SLC39A12: variants seen among roughly 807,000 people sequenced by gnomAD.
The protein encoded by SLC39A12 is zinc transporter ZIP12.
A neutral mutation model predicts 71.1 loss-of-function variants in SLC39A12; 63 were observed. The observed-to-expected ratio is 0.89, with a 90% confidence interval of 0.72 to 1.09. The LOEUF (loss-of-function observed/expected upper bound fraction) is 1.09. SLC39A12 is among the 50% of genes least tolerant of loss of function. SLC39A12 has a pLI of 0.00. For synonymous variants in SLC39A12, 351 were observed against 301.3 expected (o/e 1.16, Z -1.71); for missense variants, 892 against 812.6 (o/e 1.10, Z -1.19).
At chr10:17,990,291 C>T (rs1341113564) in intron 7 of SLC39A12, among the ~76,000 whole-genome samples, 3 of 152,104 alleles carry the variant, frequency 2.0e-5, no homozygotes, top group African/African-American at 7.2e-5. Flanking sequence ...TATGTAGATA[C>T]ATATGTATAC....
At chr10:17,980,011 G>T (rs1835211374) in intron 5 of SLC39A12, among the ~76,000 whole-genome samples, 1 of 152,132 alleles carries the variant, frequency 6.6e-6, no homozygotes, top group African/African-American at 2.4e-5. Flanking sequence ...AAAATACTTG[G>T]CTCAGGGAGG....
intron 2 of SLC39A12, among the ~76,000 whole-genome samples, chr10:17,958,410 A>C (rs1367886317): frequency 2.0e-5 from 3 of 152,108 alleles, no homozygotes; most frequent in African/African-American, 7.2e-5. Flanking sequence ...TCGTTGTACC[A>C]TGTCCTTGTT....
intron 12 of SLC39A12, among the ~76,000 whole-genome samples, chr10:18,030,879 T>C (rs915552061): frequency 1.8e-4 from 26 of 145,222 alleles, no homozygotes; most frequent in Non-Finnish European, 3.5e-4. Context: ...TTCCCACCTA[T>C]GAGTGAGAAT....
intron 9 of SLC39A12, among the ~76,000 whole-genome samples, chr10:17,995,070 A>T (rs954648709): frequency 3.3e-5 from 5 of 152,234 alleles, no homozygotes; most frequent in Non-Finnish European, 5.9e-5. Context: ...GTCATATAAA[A>T]GGATTAAAAA....
chr10:17,976,395 A>AT (rs1287488592), intron 4 of SLC39A12, among the ~76,000 whole-genome samples: 1 of 151,742 alleles, frequency 6.6e-6, no homozygotes, highest in Non-Finnish European at 1.5e-5. Context: ...TGCTTTCAAG[A>AT]TTTTATCTTC....
intron 4 of SLC39A12, among the ~76,000 whole-genome samples, chr10:17,967,753 G>C (rs925329461): frequency 6.6e-6 from 1 of 151,520 alleles, no homozygotes; most frequent in Non-Finnish European, 1.5e-5. Flanking sequence ...CAGGCGTGAT[G>C]GCGGGCGCCT....
rs560770108 is a variant in SLC39A12 at position 18,028,260 on chromosome 10, A to G, written c.1948-14445A>G. ...TCATCAGTAAATGAATATTGTTTCT[A>G]TATTTGAATTGCAAATTTTTATCAG... On this transcript the variant is annotated intron_variant, in intron 12 of 12. Coordinates refer to ENST00000377369, the MANE Select transcript of SLC39A12 (RefSeq NM_001145195.2). 5.9e-5 allele frequency among the ~76,000 whole-genome samples: 9 copies of G among 152,346 alleles called. 1 individual carries two copies. Among genetic ancestry groups the G allele is most frequent in the African/African-American group, 1.7e-4 (7 of 41,582 alleles).
intron 7 of SLC39A12, among the ~76,000 whole-genome samples, 162 bp downstream of exon 7, chr10:17,987,813 C>T (rs1564647786): frequency 6.6e-6 from 1 of 152,116 alleles, no homozygotes; most frequent in African/African-American, 2.4e-5. Flanking sequence ...CCTCTCTGCA[C>T]TTGTAGAAGA....
Position 17,977,892 on chromosome 10 carries a change from A to C in SLC39A12, c.752-10A>C. 1 of 1,561,140 alleles carries C rather than the reference A, an allele frequency of 6.4e-7. No individual in the cohort carries two copies. Among genetic ancestry groups the C allele is most frequent in the Non-Finnish European group, 8.6e-7 (1 of 1,159,638 alleles). On this transcript the variant is annotated splice_polypyrimidine_tract_variant and intron_variant, in intron 4 of 12. Transcript: ENST00000377369. ...TCTATGTGACACCAGATTTTATATG[A>C]AATTTCTAGAACTAGACCAACTCCT... is the stretch of plus-strand genomic sequence containing the variant.
At position 18,042,866 on chromosome 10, in the gene SLC39A12, T is replaced by G. The variant is rs746167147; in HGVS notation, c.*33T>G. On this transcript the variant is annotated 3_prime_UTR_variant, in exon 13 of 13. Coordinates refer to ENST00000377369, the MANE Select transcript of SLC39A12 (RefSeq NM_001145195.2). ...TCTTCAACATCTTTCAAAAATGCATTTATATAGTCTTACTTTGTTTCTTTC... is the reference window on the plus strand; with the variant it reads ...TCTTCAACATCTTTCAAAAATGCATGTATATAGTCTTACTTTGTTTCTTTC... 14 of 1,572,548 alleles carry G rather than the reference T, an allele frequency of 8.9e-6. No individual in the cohort carries two copies. The highest frequency in any genetic ancestry group is 1.8e-5 in the Admixed American group (1 of 54,626).
At chr10:17,989,924 G>A (rs776172866) in intron 7 of SLC39A12, among the ~76,000 whole-genome samples, 5 of 151,946 alleles carry the variant, frequency 3.3e-5, no homozygotes, top group Non-Finnish European at 7.4e-5. Context: ...AAAAAAAAAA[G>A]AGACGAGGAC....
chr10:17,991,814 C>T (rs895025880), intron 8 of SLC39A12, among the ~76,000 whole-genome samples: 5 of 152,074 alleles, frequency 3.3e-5, no homozygotes, highest in Non-Finnish European at 4.4e-5. Flanking sequence ...ATGGGCCGGG[C>T]GCTGTGGCTC....
intron 3 of SLC39A12, among the ~76,000 whole-genome samples, chr10:17,963,160 CT>C (rs1287769088): frequency 6.6e-6 from 1 of 151,428 alleles, no homozygotes; most frequent in Non-Finnish European, 1.5e-5. Flanking sequence ...GACCCTATCT[CT>C]AAAAGAAGAA....
Position 17,965,480 on chromosome 10 carries a change from C to T in SLC39A12, c.544-3C>T. 1.2e-6 allele frequency: 2 copies of T among 1,613,246 alleles called. No homozygotes were observed. The highest frequency in any genetic ancestry group is 8.5e-7 in the Non-Finnish European group (1 of 1,179,462). On this transcript the variant is annotated splice_region_variant and splice_polypyrimidine_tract_variant and intron_variant, in intron 3 of 12. Coordinates refer to ENST00000377369, the MANE Select transcript of SLC39A12 (RefSeq NM_001145195.2). ...TTTCTCTTTATTTTGTATCTGATTT[C>T]AGTGTATGGAAACCAAAACGCTGCA...
chr10:18,010,903 A>G (rs1419834315), intron 12 of SLC39A12, among the ~76,000 whole-genome samples: 5 of 152,140 alleles, frequency 3.3e-5, no homozygotes, highest in African/African-American at 4.8e-5. Context: ...CGTCCCTTCA[A>G]TGTGAAGATG....
chr10:18,001,453 G>A (rs1393729967), intron 11 of SLC39A12, among the ~76,000 whole-genome samples: 4 of 152,218 alleles, frequency 2.6e-5, no homozygotes, highest in Non-Finnish European at 5.9e-5. Flanking sequence ...GGTGGAGGTT[G>A]CAGTGAGCTG....
At position 17,956,182 on chromosome 10, in the gene SLC39A12, T is replaced by C. The variant is rs79177428; in HGVS notation, c.261+2645T>C. Among the ~76,000 whole-genome samples the C allele has an allele frequency of 1.1e-4, 16 of 152,202 alleles. No homozygotes were observed. In the East Asian group the frequency reaches 3.1e-3, roughly 29 times the overall value. Reference sequence around the variant, plus strand: ...CGGACATGTGTGCTCCCCGGGGAGATCTCTGCAAGGATCACATGGACACAT... The same window carrying C: ...CGGACATGTGTGCTCCCCGGGGAGACCTCTGCAAGGATCACATGGACACAT... On this transcript the variant is annotated intron_variant, in intron 2 of 12. Coordinates refer to ENST00000377369, the MANE Select transcript of SLC39A12 (RefSeq NM_001145195.2).
chr10:17,986,019 A>G (rs558989378), intron 6 of SLC39A12, among the ~76,000 whole-genome samples: 43 of 152,314 alleles, frequency 2.8e-4, no homozygotes, highest in African/African-American at 9.4e-4. Flanking sequence ...GACATTGCAA[A>G]TAATTCAGAC....
chr10:17,961,906 G>A (rs1442363996), intron 3 of SLC39A12, 44 bp downstream of exon 3: 2 of 1,550,658 alleles, frequency 1.3e-6, no homozygotes, highest in Non-Finnish European at 1.7e-6. Context: ...CTAAGATACA[G>A]TTCTAGAGCC....
Sources: gnomAD v4.1 joint callset for allele counts (sites outside exome capture counted in the v4.1 genomes callset) on GRCh38, gnomAD v4.1.1 for gene constraint, MANE v1.5 for transcripts, NCBI Gene and HGNC (gene_info 2026-07-23, HGNC 2026-07-21) for gene names.